Variants in UNC79 observed in about 807,000 individuals in gnomAD.
UNC79 encodes unc-79 subunit of NALCN channel complex.
A neutral mutation model predicts 283.1 loss-of-function variants in UNC79; 37 were observed. That is an observed-to-expected ratio of 0.13 (90% CI 0.10 to 0.17). UNC79 has a LOEUF of 0.17. Ranked by LOEUF, UNC79 falls within the 10% of genes least tolerant of loss-of-function variation. The pLI, the probability that UNC79 is intolerant of heterozygous loss-of-function variation, is 1.00. For missense variants in UNC79, 2,272 were observed against 3,211.1 expected (o/e 0.71, Z 7.07); for synonymous variants, 1,107 against 1,200.2 (o/e 0.92, Z 1.61).
intron 26 of UNC79, among the ~76,000 whole-genome samples, chr14:93,607,241 A>G (rs538490851): frequency 6.6e-6 from 1 of 152,350 alleles, no homozygotes; most frequent in African/African-American, 2.4e-5. Flanking sequence ...AACTAATGGT[A>G]TCAATCCCAT....
intron 27 of UNC79, among the ~76,000 whole-genome samples, chr14:93,614,276 C>CT (rs933212883): frequency 1.3e-5 from 2 of 150,110 alleles, no homozygotes; most frequent in African/African-American, 4.9e-5. Flanking sequence ...AGAGTATAGG[C>CT]TTTTTTGTTT....
At chr14:93,543,370 T>A (rs2061459009) in intron 14 of UNC79, among the ~76,000 whole-genome samples, 1 of 151,296 alleles carries the variant, frequency 6.6e-6, no homozygotes, top group African/African-American at 2.4e-5. Flanking sequence ...GAAGAACCCA[T>A]GTTTCTTTTT....
intron 14 of UNC79, among the ~76,000 whole-genome samples, chr14:93,546,958 G>A (rs1159916317): frequency 1.3e-5 from 2 of 152,104 alleles, no homozygotes; most frequent in Non-Finnish European, 2.9e-5. Context: ...GTAGCTGATT[G>A]CAAGAGTTTT....
At chr14:93,427,786 A>C (rs574742297), upstream of UNC79, among the ~76,000 whole-genome samples, 9 of 152,234 alleles carry the variant, frequency 5.9e-5, no homozygotes, top group South Asian at 2.1e-4. Flanking sequence ...GGACATAACC[A>C]CAAATTTAGA....
chr14:93,501,027 T>C (rs532786845), intron 7 of UNC79, among the ~76,000 whole-genome samples: 20 of 152,188 alleles, frequency 1.3e-4, no homozygotes, highest in African/African-American at 4.8e-4. Context: ...ATTTCCTCTT[T>C]AAAAAGTAAA....
At position 93,655,173 on chromosome 14, in the gene UNC79, A is replaced by G; in HGVS notation, c.6283-61A>G. On this transcript the variant is annotated intron_variant, in intron 37 of 48. Transcript: ENST00000555664. The stretch of plus-strand genomic sequence containing the variant: ...TGACTTTTAAACTGACATTTACCAA[A>G]TAGCGCTATGCATTCCCGTGCTGTT... The G allele has an allele frequency of 5.1e-6, 8 of 1,571,966 alleles. 1 individual carries two copies. In the Middle Eastern group the frequency reaches 1.2e-3, roughly 236 times the overall value.
At chr14:93,550,405 C>T (rs1305258683) in intron 14 of UNC79, among the ~76,000 whole-genome samples, 1 of 150,786 alleles carries the variant, frequency 6.6e-6, no homozygotes, top group Non-Finnish European at 1.5e-5. Context: ...ATCTCAGCTA[C>T]TTGGGAGGCT....
chr14:93,422,834 G>A (rs1377506577), intron 1 of UNC79, among the ~76,000 whole-genome samples: 2 of 151,962 alleles, frequency 1.3e-5, no homozygotes, highest in Non-Finnish European at 2.9e-5. Flanking sequence ...GCCGAGACAG[G>A]TGGATCATGA....
At chr14:93,344,111 C>A (rs1417862765) in intron 1 of UNC79, among the ~76,000 whole-genome samples, 1 of 152,164 alleles carries the variant, frequency 6.6e-6, no homozygotes, top group Non-Finnish European at 1.5e-5. Context: ...GCTTTTGTTA[C>A]AGAGAAAGAC....
chr14:93,424,875 G>A (rs558141817), intron 1 of UNC79, among the ~76,000 whole-genome samples: 135 of 152,162 alleles, frequency 8.9e-4, no homozygotes, highest in East Asian at 2.9e-3. Flanking sequence ...ATTGGATTGC[G>A]TATAACACAA....
chr14:93,487,598 C>A, intron 4 of UNC79, 65 bp from the exon 5 acceptor site: 1 of 1,339,370 alleles, frequency 7.5e-7, no homozygotes, highest in Non-Finnish European at 1.1e-6. Flanking sequence ...CTCTCATGCT[C>A]TGTGCAAAGT....
intron 1 of UNC79, among the ~76,000 whole-genome samples, chr14:93,342,416 G>A (rs1331465195): frequency 6.6e-6 from 1 of 152,200 alleles, no homozygotes; most frequent in African/African-American, 2.4e-5. Context: ...CAGAGAAACA[G>A]GGTCCTGGGC....
rs539354941 is a variant in UNC79, at chr14:93,351,731, C to T, written c.-351+18208C>T. Among the ~76,000 whole-genome samples the T allele has an allele frequency of 4.2e-4, 64 of 152,124 alleles. 1 individual carries two copies. Among genetic ancestry groups the T allele is most frequent in the African/African-American group, 1.5e-3 (61 of 41,494 alleles). On this transcript the variant is annotated intron_variant, in intron 1 of 49. Transcript: ENST00000256339. ...ATTGGTTTATTTTAAGGAATTGGCT[C>T]GTGGTTGTGGAAGCTGGCAGGTCAA...
chr14:93,446,498 C>T (rs762038025), intron 1 of UNC79, among the ~76,000 whole-genome samples: 3 of 151,564 alleles, frequency 2.0e-5, no homozygotes, highest in East Asian at 3.9e-4. Flanking sequence ...CAGGTTTAAG[C>T]GATTCTCTTG....
chr14:93,490,533 C>T (rs1015559967), intron 5 of UNC79, among the ~76,000 whole-genome samples: 1 of 152,178 alleles, frequency 6.6e-6, no homozygotes, highest in African/African-American at 2.4e-5. Context: ...ACAAGTTCTA[C>T]CATCCACAAA....
At chr14:93,342,195 G>T (rs1315287720) in intron 1 of UNC79, among the ~76,000 whole-genome samples, 1 of 152,214 alleles carries the variant, frequency 6.6e-6, no homozygotes, top group Non-Finnish European at 1.5e-5. Context: ...GGACATCCAA[G>T]AGTTTTCATA....
intron 7 of UNC79, among the ~76,000 whole-genome samples, chr14:93,505,496 G>T (rs2059488534): frequency 6.6e-6 from 1 of 152,000 alleles, no homozygotes; most frequent in African/African-American, 2.4e-5. Context: ...ATGAGTGTTT[G>T]CATGGTATAA....
At chr14:93,341,791 TG>T (rs1162059331) in intron 1 of UNC79, among the ~76,000 whole-genome samples, 1 of 152,134 alleles carries the variant, frequency 6.6e-6, no homozygotes. Flanking sequence ...GCCAAGGGCA[TG>T]CCACAGTTAA....
chr14:93,547,827 C>CA (rs1351031997), intron 14 of UNC79, among the ~76,000 whole-genome samples: 1 of 151,086 alleles, frequency 6.6e-6, no homozygotes, highest in Non-Finnish European at 1.5e-5. Context: ...CTTGTCTCTA[C>CA]AAAAAATAAA....
Sources: gnomAD v4.1 joint callset for allele counts (sites outside exome capture counted in the v4.1 genomes callset) on GRCh38, gnomAD v4.1.1 for gene constraint, MANE v1.5 for transcripts, NCBI Gene and HGNC (gene_info 2026-07-23, HGNC 2026-07-21) for gene names.